Variants in IVNS1ABP observed in about 807,000 individuals in gnomAD.
IVNS1ABP encodes the protein influenza virus NS1A-binding protein.
A neutral mutation model predicts 78.9 loss-of-function variants in IVNS1ABP; 25 were observed. The observed-to-expected ratio is 0.32, with a 90% CI of 0.23 to 0.44. The LOEUF (loss-of-function observed/expected upper bound fraction) is 0.44. Ranked by LOEUF, IVNS1ABP falls within the 20% of genes least tolerant of loss-of-function variation. The pLI is 1.00. For synonymous variants in IVNS1ABP, 241 were observed against 259.7 expected (o/e 0.93, Z 0.69); for missense variants, 494 against 768.9 (o/e 0.64, Z 4.23).
At chr1:185,303,823 A>T (rs1665663847) in intron 8 of IVNS1ABP, among the ~76,000 whole-genome samples, 1 of 152,106 alleles carries the variant, frequency 6.6e-6, no homozygotes, top group South Asian at 2.1e-4. Flanking sequence ...ATAAAACCAG[A>T]AATCAGTTGG....
intron 8 of IVNS1ABP, among the ~76,000 whole-genome samples, chr1:185,304,761 C>T (rs183105918): frequency 1.4e-3 from 209 of 152,170 alleles, no homozygotes; most frequent in African/African-American, 4.5e-3. Context: ...GAAAGGCTGC[C>T]GGGATGCTAG....
chr1:185,312,483 A>G (rs1665914061), intron 1 of IVNS1ABP, among the ~76,000 whole-genome samples: 1 of 152,246 alleles, frequency 6.6e-6, no homozygotes, highest in African/African-American at 2.4e-5. Flanking sequence ...ATAATCACTT[A>G]CCACAGGACT....
intron 7 of IVNS1ABP, chr1:185,306,525 T>C (rs1230536872): frequency 3.1e-6 from 4 of 1,289,318 alleles, no homozygotes; most frequent in Admixed American, 2.3e-5. Context: ...CGGATTTTTC[T>C]TAGGAGAACT....
At chr1:185,307,194 T>C (rs1665761643) in intron 6 of IVNS1ABP, 55 bp from the exon 7 acceptor site, 5 of 1,586,834 alleles carry the variant, frequency 3.2e-6, no homozygotes, top group Middle Eastern at 1.7e-4. Flanking sequence ...AGTTCTCAGC[T>C]TAATTCCCAA....
intron 7 of IVNS1ABP, chr1:185,306,515 C>T (rs997153201): frequency 1.8e-5 from 23 of 1,289,228 alleles, no homozygotes; most frequent in South Asian, 7.4e-5. Flanking sequence ...CTGCCCACAG[C>T]GGATTTTTCT....
chr1:185,312,314 C>T (rs1665909743), intron 1 of IVNS1ABP, among the ~76,000 whole-genome samples: 1 of 152,160 alleles, frequency 6.6e-6, no homozygotes, highest in Admixed American at 6.5e-5. Flanking sequence ...TTTGTAATCA[C>T]CTGAACTGCT....
At chr1:185,307,699 A>T in intron 5 of IVNS1ABP, 37 bp from the exon 6 acceptor site, 1 of 1,574,182 alleles carries the variant, frequency 6.4e-7, no homozygotes. Flanking sequence ...ACACTTACAT[A>T]TCTTTTATTC....
intron 1 of IVNS1ABP, among the ~76,000 whole-genome samples, chr1:185,311,713 T>C (rs1665889019): frequency 6.6e-6 from 1 of 152,194 alleles, no homozygotes; most frequent in Non-Finnish European, 1.5e-5. Flanking sequence ...TTAGGCATTA[T>C]TCCCAAGCAT....
In IVNS1ABP at chr1:185,306,957, A is replaced by G. The variant is rs764678716; in HGVS notation, c.657+57T>C. The G allele has an allele frequency of 2.6e-6, 4 of 1,567,116 alleles. No homozygotes were observed. The East Asian group carries it at 6.7e-5, about 26-fold the overall frequency. On this transcript the variant is annotated intron_variant, in intron 7 of 14. Transcript: ENST00000367498. The stretch of plus-strand genomic sequence containing the variant: ...AAATAAAAGTGAAAGGGAATCCTTC[A>G]TGTTATAGCAAAATAATTTTTAAAA...
intron 1 of IVNS1ABP, among the ~76,000 whole-genome samples, chr1:185,315,983 T>C (rs1464316515): frequency 6.6e-6 from 1 of 152,166 alleles, no homozygotes; most frequent in Non-Finnish European, 1.5e-5. Flanking sequence ...CTCAAACCAA[T>C]AGATATGTCC....
rs1665815683 is a variant in IVNS1ABP at position 185,309,017 on chromosome 1, A to G, written c.267T>C (p.Tyr89=). ...NPEAVEVLLN[Y]AYTAQLKADK... ...AATGTACTTACTGAGCAGTGTAGGCATAATTCAACAAGACTTCAACAGCTT... is the reference window on the plus strand; with the variant it reads ...AATGTACTTACTGAGCAGTGTAGGCGTAATTCAACAAGACTTCAACAGCTT... Residue 89 remains tyrosine, a synonymous_variant, in exon 4 of 15, where the codon TAT becomes TAC. Transcript: ENST00000367498. The G allele has an allele frequency of 1.2e-6, 2 of 1,610,988 alleles. No homozygotes were observed. The highest frequency in any genetic ancestry group is 1.7e-6 in the Non-Finnish European group (2 of 1,178,626).
intron 14 of IVNS1ABP, 130 bp downstream of exon 14, chr1:185,299,580 T>C (rs1665512854): frequency 6.1e-6 from 5 of 818,692 alleles, no homozygotes; most frequent in Non-Finnish European, 6.2e-6. Context: ...CTAATCTCCA[T>C]TGCATCAAAA....
At chr1:185,309,538 A>G (rs1213101684) in intron 2 of IVNS1ABP, 27 bp from the exon 3 acceptor site, 2 of 1,112,668 alleles carry the variant, frequency 1.8e-6, no homozygotes, top group East Asian at 4.7e-5. Context: ...AAGCTGAGTT[A>G]TTTTACTTGC....
At chr1:185,309,548 C>G in intron 2 of IVNS1ABP, 37 bp from the exon 3 acceptor site, 1 of 983,812 alleles carries the variant, frequency 1.0e-6, no homozygotes, top group Non-Finnish European at 1.6e-6. Context: ...ATTTTACTTG[C>G]AACTGATGGT....
rs1371372035 is a variant in IVNS1ABP, at chr1:185,297,013, G to A, written c.*1022C>T. On this transcript the variant is annotated 3_prime_UTR_variant, in exon 15 of 15. Coordinates refer to ENST00000367498, the MANE Select transcript of IVNS1ABP (RefSeq NM_006469.5). ...TGTAGCACTACACATTAGACACCAA[G>A]TCATCCCAACCAATATTTATCCATA... The A allele has an allele frequency of 6.6e-6, 1 of 152,070 alleles. No homozygotes were observed. Among genetic ancestry groups the A allele is most frequent in the Admixed American group, 6.6e-5 (1 of 15,254 alleles). 9.4% of individuals were successfully genotyped at this position (152,070 alleles called of 1,614,324 possible).
chr1:185,298,621 G>A lies in IVNS1ABP; in HGVS notation c.1676-333C>T. 3.2e-6 allele frequency: 1 copy of A among 313,310 alleles called. No homozygotes were observed. The highest frequency in any genetic ancestry group is 5.9e-6 in the Non-Finnish European group (1 of 168,504). The allele number at this position is 313,310 out of a possible 1,614,324, so 19.4% of individuals were successfully genotyped here. ...AGAAGAAGAAAAGCAGGAAGAAGCT[G>A]GACAATTATCCTACAGATGCAGCTA... On this transcript the variant is annotated intron_variant, in intron 14 of 14. Transcript: ENST00000367498. This position sits in a 1 kb window ranked among gnomAD's most constrained non-coding sequence, Gnocchi z 4.1.
At chr1:185,300,660 A>T in intron 10 of IVNS1ABP, 102 bp from the exon 11 acceptor site, 1 of 1,257,590 alleles carries the variant, frequency 8.0e-7, no homozygotes, top group Non-Finnish European at 1.1e-6. Context: ...GAGAAAAAGT[A>T]TTAAAACTTT....
Position 185,300,209 on chromosome 1 carries a change from A to G in IVNS1ABP, c.1369+8T>C, listed in dbSNP as rs757062975. 4.3e-6 allele frequency: 7 copies of G among 1,612,632 alleles called. No homozygotes were observed. The highest frequency in any genetic ancestry group is 2.2e-5 in the South Asian group (2 of 90,992). On this transcript the variant is annotated splice_region_variant and intron_variant, in intron 12 of 14. Coordinates refer to ENST00000367498, the MANE Select transcript of IVNS1ABP (RefSeq NM_006469.5). ...ATACTGGATATCTCAGGAGAAAACT[A>G]TTATTACCTGCATTACAACGGTTAG... is the stretch of plus-strand genomic sequence containing the variant.
chr1:185,296,392 A>C lies in IVNS1ABP; in HGVS notation c.*1643T>G, dbSNP rs1334134126. On this transcript the variant is annotated 3_prime_UTR_variant, in exon 15 of 15. Coordinates refer to ENST00000367498, the MANE Select transcript of IVNS1ABP (RefSeq NM_006469.5). Reference sequence around the variant, plus strand: ...AATGAGAAGTGATCTCAAGGATTTTAGTGCTGAATCCTCAACTAAAATTTT... The same window carrying C: ...AATGAGAAGTGATCTCAAGGATTTTCGTGCTGAATCCTCAACTAAAATTTT... 1 of 152,184 alleles carries C rather than the reference A, an allele frequency of 6.6e-6. No individual in the cohort carries two copies. Among genetic ancestry groups the C allele is most frequent in the African/African-American group, 2.4e-5 (1 of 41,452 alleles). 9.4% of individuals were successfully genotyped at this position (152,184 alleles called of 1,614,324 possible).
Sources: allele counts gnomAD v4.1 joint callset (sites outside exome capture counted in the v4.1 genomes callset), GRCh38; gene constraint gnomAD v4.1.1; non-coding constraint Gnocchi (gnomAD v3.1); transcripts MANE v1.5; gene names NCBI Gene and HGNC (gene_info 2026-07-23, HGNC 2026-07-21).